The following RASGEF1A variants were observed in gnomAD, a reference collection of about 807,000 sequenced individuals.
RASGEF1A encodes ras-GEF domain-containing family member 1A.
In RASGEF1A, 18 loss-of-function variants were observed where a neutral mutation model predicts 56.4. The observed-to-expected ratio is 0.32, with a 90% CI of 0.22 to 0.47. The LOEUF (loss-of-function observed/expected upper bound fraction) is 0.47. Among genes scored for constraint, RASGEF1A ranks in the 20% least tolerant of loss-of-function variants. RASGEF1A has a pLI of 1.00. For synonymous variants in RASGEF1A, 245 were observed against 242.6 expected (o/e 1.01, Z -0.09); for missense variants, 422 against 627.1 (o/e 0.67, Z 3.49).
At chr10:43,231,248 G>A (rs1840363052) in intron 1 of RASGEF1A, among the ~76,000 whole-genome samples, 1 of 152,260 alleles carries the variant, frequency 6.6e-6, no homozygotes. Context: ...TGGGCCTGCA[G>A]GGCCACCCTG....
At chr10:43,252,489 C>A (rs939803875) in intron 1 of RASGEF1A, among the ~76,000 whole-genome samples, 4 of 152,012 alleles carry the variant, frequency 2.6e-5, no homozygotes, top group Non-Finnish European at 5.9e-5. Flanking sequence ...AGTAGGCAGG[C>A]CTGCCTGGGA....
chr10:43,223,714 T>G (rs773576906), intron 1 of RASGEF1A, among the ~76,000 whole-genome samples: 5 of 152,112 alleles, frequency 3.3e-5, no homozygotes, highest in Non-Finnish European at 7.4e-5. Context: ...CTCTTGCAAT[T>G]CTAATCAACA....
chr10:43,264,046 C>T (rs1454611189), intron 1 of RASGEF1A, among the ~76,000 whole-genome samples: 2 of 152,098 alleles, frequency 1.3e-5, no homozygotes, highest in African/African-American at 4.8e-5. Context: ...AGGCCAGAGC[C>T]CCTCTCCCAC....
chr10:43,245,865 T>G (rs1330266801), intron 1 of RASGEF1A, among the ~76,000 whole-genome samples: 2 of 152,208 alleles, frequency 1.3e-5, no homozygotes, highest in Non-Finnish European at 2.9e-5. Flanking sequence ...CAAATATGTC[T>G]GCTCTTGCCT....
intron 1 of RASGEF1A, among the ~76,000 whole-genome samples, chr10:43,254,690 C>A (rs1840668056): frequency 6.6e-6 from 1 of 152,170 alleles, no homozygotes; most frequent in African/African-American, 2.4e-5. Context: ...CTGAGCAAGT[C>A]TCTGTGGTCA....
At chr10:43,237,948 G>A (rs1840452474) in intron 1 of RASGEF1A, among the ~76,000 whole-genome samples, 1 of 152,254 alleles carries the variant, frequency 6.6e-6, no homozygotes, top group Admixed American at 6.5e-5. Flanking sequence ...CATTGTACCT[G>A]TGGGCGGGGA....
intron 1 of RASGEF1A, chr10:43,208,667 C>T: frequency 1.0e-6 from 1 of 985,630 alleles, no homozygotes; most frequent in South Asian, 4.7e-5. Flanking sequence ...TGGAGACCCA[C>T]CTGGGGACAC....
At chr10:43,210,994 G>C (rs535555528) in intron 1 of RASGEF1A, among the ~76,000 whole-genome samples, 5 of 151,762 alleles carry the variant, frequency 3.3e-5, no homozygotes, top group African/African-American at 1.2e-4. Flanking sequence ...CTTGCAGGGA[G>C]TGGGGGACAG....
At chr10:43,215,698 C>G (rs1423473669) in intron 1 of RASGEF1A, among the ~76,000 whole-genome samples, 2 of 152,212 alleles carry the variant, frequency 1.3e-5, no homozygotes, top group Non-Finnish European at 2.9e-5. Flanking sequence ...TGCCTAGATA[C>G]TGGAGATACA....
intron 1 of RASGEF1A, among the ~76,000 whole-genome samples, chr10:43,262,276 G>T (rs953488101): frequency 6.6e-6 from 1 of 152,160 alleles, no homozygotes; most frequent in African/African-American, 2.4e-5. Context: ...TAACAGCGTT[G>T]CCATGGCAAC....
At chr10:43,254,198 G>A (rs532912267) in intron 1 of RASGEF1A, among the ~76,000 whole-genome samples, 1 of 152,220 alleles carries the variant, frequency 6.6e-6, no homozygotes, top group African/African-American at 2.4e-5. Context: ...GACACTTCAG[G>A]GAGGGCGGGA....
At chr10:43,214,248 G>A (rs532457585) in intron 1 of RASGEF1A, among the ~76,000 whole-genome samples, 101 of 152,268 alleles carry the variant, frequency 6.6e-4, no homozygotes, top group African/African-American at 2.3e-3. Flanking sequence ...TCGTCTTCCC[G>A]TGCACCCACT....
chr10:43,237,563 C>T (rs1588946376), intron 1 of RASGEF1A, among the ~76,000 whole-genome samples: 1 of 151,822 alleles, frequency 6.6e-6, no homozygotes, highest in African/African-American at 2.4e-5. Flanking sequence ...TTTCTTCTTA[C>T]CTACATTTCT....
chr10:43,230,302 C>G (rs1033597894), intron 1 of RASGEF1A, among the ~76,000 whole-genome samples: 4 of 152,126 alleles, frequency 2.6e-5, no homozygotes, highest in Non-Finnish European at 5.9e-5. Context: ...TCGGGGGACA[C>G]GGCAGCTGCT....
At chr10:43,238,286 T>C (rs928162368) in intron 1 of RASGEF1A, among the ~76,000 whole-genome samples, 1 of 151,888 alleles carries the variant, frequency 6.6e-6, no homozygotes, top group African/African-American at 2.4e-5. Flanking sequence ...TTCGGGGGTG[T>C]TGTATCGCAG....
At chr10:43,208,493 G>A (rs774126178) in intron 1 of RASGEF1A, 22 of 985,576 alleles carry the variant, frequency 2.2e-5, no homozygotes, top group Non-Finnish European at 2.7e-5. Context: ...ACGCCTTCGA[G>A]GGTGGGGGCC....
intron 3 of RASGEF1A, among the ~76,000 whole-genome samples, chr10:43,202,848 G>T (rs1371995262): frequency 9.5e-6 from 1 of 105,680 alleles, no homozygotes; most frequent in Non-Finnish European, 1.9e-5. Flanking sequence ...ACTCAGACCC[G>T]CCCCACAGCC....
chr10:43,231,505 G>C (rs1381065188), intron 1 of RASGEF1A, among the ~76,000 whole-genome samples: 1 of 152,256 alleles, frequency 6.6e-6, no homozygotes, highest in Non-Finnish European at 1.5e-5. Context: ...AGAGGAGGTG[G>C]TGGATGGGTG....
chr10:43,200,607 G>C, intron 5 of RASGEF1A, 60 bp downstream of exon 5: 1 of 1,478,176 alleles, frequency 6.8e-7, no homozygotes, highest in South Asian at 1.2e-5. Flanking sequence ...GTGCTGTGCT[G>C]AAAGAGGCAC....
Sources: allele counts gnomAD v4.1 joint callset (sites outside exome capture counted in the v4.1 genomes callset), GRCh38; gene constraint gnomAD v4.1.1; transcripts MANE v1.5; gene names NCBI Gene and HGNC (gene_info 2026-07-23, HGNC 2026-07-21).